Variants in DGAT2L6 observed in about 807,000 individuals in gnomAD.
DGAT2L6 encodes the protein diacylglycerol O-acyltransferase 2 like 6.
In DGAT2L6, 22 loss-of-function variants were observed where a neutral mutation model predicts 25.5. The ratio of observed to expected loss-of-function variants is 0.86; its 90% CI spans 0.62 to 1.23. The LOEUF (loss-of-function observed/expected upper bound fraction) is 1.23. Ranked by LOEUF, DGAT2L6 falls within the 50% of genes most tolerant of loss-of-function variation. The pLI is 0.00. For synonymous variants in DGAT2L6, 100 were observed against 94.7 expected (o/e 1.06, Z -0.32); for missense variants, 287 against 253.2 (o/e 1.13, Z -0.91).
Position 70,200,313 on chromosome X carries a change from A to G in DGAT2L6, c.326A>G (p.His109Arg), listed in dbSNP as rs2085405609. The G allele has an allele frequency of 8.3e-7, 1 of 1,210,793 alleles. No individual in the cohort carries two copies. The highest frequency in any genetic ancestry group is 1.1e-6 in the Non-Finnish European group (1 of 895,028). The change falls in exon 4 of 7, where the codon CAT (histidine) becomes CGT (arginine). Residue 109 changes from histidine (H) to arginine (R), a missense_variant. Coordinates refer to ENST00000333026, the MANE Select transcript of DGAT2L6 (RefSeq NM_198512.3). ...AACTACATCATTGCCAATCACCCCCATGGCATTCTCTCTTTTGGTGTCTTC... is the reference window on the plus strand; with the variant it reads ...AACTACATCATTGCCAATCACCCCCGTGGCATTCTCTCTTTTGGTGTCTTC... ...KHNYIIANHP[H>R]GILSFGVFIN...
intron 5 of DGAT2L6, among the ~76,000 whole-genome samples, chrX:70,203,838 C>A (rs2085419380): frequency 9.1e-6 from 1 of 110,219 alleles, no homozygotes; most frequent in Admixed American, 9.8e-5. Context: ...ACAGAGGGAG[C>A]AGAATGTACA....
chrX:70,177,751 G>A, intron 1 of DGAT2L6, 84 bp downstream of exon 1: 1 of 840,932 alleles, frequency 1.2e-6, no homozygotes, highest in South Asian at 2.3e-5. Flanking sequence ...GTTCCAAAGA[G>A]ATCATCTGGG....
intron 4 of DGAT2L6, among the ~76,000 whole-genome samples, chrX:70,201,019 C>G (rs1018906691): frequency 1.8e-5 from 2 of 112,337 alleles, no homozygotes; most frequent in Non-Finnish European, 3.8e-5. Flanking sequence ...GTATCCAGAA[C>G]AACTTCCCCA....
intron 1 of DGAT2L6, among the ~76,000 whole-genome samples, chrX:70,183,295 T>C (rs1415624538): frequency 8.9e-6 from 1 of 112,093 alleles, no homozygotes; most frequent in Non-Finnish European, 1.9e-5. Flanking sequence ...AAACAGGAAA[T>C]GTACTCTCCC....
intron 1 of DGAT2L6, among the ~76,000 whole-genome samples, chrX:70,179,803 G>A (rs770734402): frequency 9.1e-6 from 1 of 110,128 alleles, no homozygotes; most frequent in South Asian, 4.0e-4. Flanking sequence ...GCTGACCTCA[G>A]GTGATCCGCC....
At chrX:70,179,431 C>T (rs1006887129) in intron 1 of DGAT2L6, among the ~76,000 whole-genome samples, 2 of 110,649 alleles carry the variant, frequency 1.8e-5, no homozygotes, top group Non-Finnish European at 3.8e-5. Context: ...GTGTCAAATC[C>T]GGGTCCCAGA....
At chrX:70,203,222 G>A (rs1487377687) in intron 5 of DGAT2L6, among the ~76,000 whole-genome samples, 1 of 111,822 alleles carries the variant, frequency 8.9e-6, no homozygotes. Flanking sequence ...AATGTTTATT[G>A]TCTGTCTTCC....
At chrX:70,200,534 C>A in intron 4 of DGAT2L6, 75 bp downstream of exon 4, 1 of 960,642 alleles carries the variant, frequency 1.0e-6, no homozygotes. Flanking sequence ...CTGACAATCA[C>A]TACCTGCTTG....
intron 4 of DGAT2L6, among the ~76,000 whole-genome samples, chrX:70,201,066 T>C (rs1334243406): frequency 8.9e-6 from 1 of 111,883 alleles, no homozygotes; most frequent in Non-Finnish European, 1.9e-5. Flanking sequence ...GACAAATGTC[T>C]CTCTCTCTGG....
intron 1 of DGAT2L6, among the ~76,000 whole-genome samples, chrX:70,189,424 C>A (rs1365371481): frequency 9.0e-6 from 1 of 111,229 alleles, no homozygotes; most frequent in Non-Finnish European, 1.9e-5. Flanking sequence ...ATCTAGTAAA[C>A]CATACAGGAT....
At chrX:70,181,462 C>T (rs1341630201) in intron 1 of DGAT2L6, among the ~76,000 whole-genome samples, 1 of 112,417 alleles carries the variant, frequency 8.9e-6, no homozygotes, top group Admixed American at 9.5e-5. Flanking sequence ...AACACAAATC[C>T]TGGGTCTTGA....
At chrX:70,179,040 G>T (rs1178424849) in intron 1 of DGAT2L6, among the ~76,000 whole-genome samples, 4 of 112,197 alleles carry the variant, frequency 3.6e-5, no homozygotes, top group Non-Finnish European at 7.5e-5. Flanking sequence ...TTTGATAACT[G>T]AATTTTAATA....
chrX:70,184,590 G>A (rs775275442), intron 1 of DGAT2L6, among the ~76,000 whole-genome samples: 154 of 109,326 alleles, frequency 1.4e-3, no homozygotes, highest in Non-Finnish European at 1.8e-3. Context: ...TCAGCTTCCC[G>A]AGTATCTGGG....
chrX:70,177,715 G>A, intron 1 of DGAT2L6, 48 bp downstream of exon 1: 1 of 1,072,039 alleles, frequency 9.3e-7, no homozygotes, highest in Non-Finnish European at 1.3e-6. Flanking sequence ...CAAACCAAAA[G>A]AGTGGCCAAT....
intron 3 of DGAT2L6, 133 bp downstream of exon 3, chrX:70,200,015 G>T (rs756504906): frequency 8.6e-6 from 6 of 697,879 alleles, no homozygotes; most frequent in Non-Finnish European, 1.3e-5. Context: ...CAAAGCAAGG[G>T]CCCAAGATGG....
chrX:70,193,164 A>T lies in DGAT2L6; in HGVS notation c.86-6107A>T, dbSNP rs568778246. On this transcript the variant is annotated intron_variant, in intron 1 of 6. Transcript: ENST00000333026. ...AGCCTGGCCAACATGCTGAAAATAC[A>T]AAAATTAGCCAGGCATGGTGGCGTG... Among the ~76,000 whole-genome samples, 22 of 110,545 alleles carry T rather than the reference A, an allele frequency of 2.0e-4. No homozygotes were observed. The South Asian group carries it at 8.3e-3, about 42-fold the overall frequency.
rs371986187 is a variant in DGAT2L6, at chrX:70,204,498, C to T, written c.841C>T (p.Arg281Trp). The part of the protein sequence containing the change: ...RGSWGFLPFN[R>W]PITTVVGEPL... Reference sequence around the variant, plus strand: ...ATCCTGGGGCTTCCTGCCTTTCAATCGGCCCATTACCACTGTTGGTGAGCT... The same window carrying T: ...ATCCTGGGGCTTCCTGCCTTTCAATTGGCCCATTACCACTGTTGGTGAGCT... The change falls in exon 6 of 7, where the codon CGG (arginine) becomes TGG (tryptophan). Residue 281 changes from arginine (R) to tryptophan (W), a missense_variant. By Grantham distance (101) the Arg-to-Trp change is moderately radical. Coordinates refer to ENST00000333026, the MANE Select transcript of DGAT2L6 (RefSeq NM_198512.3). The T allele has an allele frequency of 8.3e-6, 10 of 1,208,769 alleles. No homozygotes were observed. Among genetic ancestry groups the T allele is most frequent in the East Asian group, 3.0e-5 (1 of 33,754 alleles).
chrX:70,198,339 A>G (rs35315813), intron 1 of DGAT2L6, among the ~76,000 whole-genome samples: 2 of 111,966 alleles, frequency 1.8e-5, no homozygotes, highest in Admixed American at 1.9e-4. Context: ...GAACACAGTA[A>G]AGTGTTTTTT....
At chrX:70,203,478 G>A (rs1378843246) in intron 5 of DGAT2L6, among the ~76,000 whole-genome samples, 1 of 111,844 alleles carries the variant, frequency 8.9e-6, no homozygotes, top group African/African-American at 3.3e-5. Flanking sequence ...ATATTGGTAG[G>A]AGTTGCCAGG....
Sources: gnomAD v4.1 joint callset for allele counts (sites outside exome capture counted in the v4.1 genomes callset) on GRCh38, gnomAD v4.1.1 for gene constraint, MANE v1.5 for transcripts, NCBI Gene and HGNC (gene_info 2026-07-23, HGNC 2026-07-21) for gene names.